Variants in GRIK1 observed in about 807,000 individuals in gnomAD.
The protein encoded by GRIK1 is glutamate receptor ionotropic, kainate 1.
A neutral mutation model predicts 105.7 loss-of-function variants in GRIK1; 69 were observed. The ratio of observed to expected loss-of-function variants is 0.65; its 90% CI spans 0.54 to 0.80. The LOEUF (loss-of-function observed/expected upper bound fraction) is 0.80. Among genes scored for constraint, GRIK1 ranks in the 30% least tolerant of loss-of-function variants. The pLI, the probability that GRIK1 is intolerant of heterozygous loss-of-function variation, is 0.00. For synonymous variants in GRIK1, 438 were observed against 431.3 expected, an observed-to-expected ratio of 1.02 and a Z score of -0.19; for missense variants, 1,109 against 1,167.3, an observed-to-expected ratio of 0.95 and a Z score of 0.73.
intron 15 of GRIK1, among the ~76,000 whole-genome samples, chr21:29,556,603 T>G (rs1213088986): frequency 2.0e-5 from 3 of 152,176 alleles, no homozygotes; most frequent in Non-Finnish European, 4.4e-5. Context: ...CCCACCTCCC[T>G]TACAGTTCAG....
At chr21:29,872,771 G>C (rs1054865614) in intron 1 of GRIK1, among the ~76,000 whole-genome samples, 7 of 152,132 alleles carry the variant, frequency 4.6e-5, no homozygotes, top group Non-Finnish European at 1.0e-4. Context: ...GATCTCATGA[G>C]ACTTACTCAT....
intron 3 of GRIK1, among the ~76,000 whole-genome samples, chr21:29,677,938 C>T (rs363545): frequency 0.032 from 4,804 of 152,314 alleles, 107 homozygotes; most frequent in Non-Finnish European, 0.049. Flanking sequence ...CTACCTTACA[C>T]CGCAGTCCAA....
chr21:29,617,874 G>T (rs1201856365), intron 7 of GRIK1, among the ~76,000 whole-genome samples: 1 of 152,190 alleles, frequency 6.6e-6, no homozygotes, highest in African/African-American at 2.4e-5. Context: ...ATTTGATTTA[G>T]AATATGTTTA....
At chr21:29,631,049 C>G (rs1023797198) in intron 7 of GRIK1, among the ~76,000 whole-genome samples, 13 of 152,190 alleles carry the variant, frequency 8.5e-5, no homozygotes, top group Non-Finnish European at 1.9e-4. Context: ...CTCAAGTGAT[C>G]TGACCACCTC....
At chr21:29,581,379 C>A in intron 13 of GRIK1, 46 bp downstream of exon 13, 1 of 1,080,648 alleles carries the variant, frequency 9.3e-7, no homozygotes, top group South Asian at 1.3e-5. Context: ...GAAAGCCTGT[C>A]AGCACACTGT....
Position 29,939,474 on chromosome 21 carries a change from C to T in GRIK1, c.27G>A (p.Gln9=), listed in dbSNP as rs772575613. 5 of 1,598,006 alleles carry T rather than the reference C, an allele frequency of 3.1e-6. No homozygotes were observed. In the East Asian group the frequency reaches 1.2e-4, roughly 37 times the overall value. ...TGGTGTCCCTGGTCCAGAGCCCGGG[C>T]TGGGCGAGGAGTGTGCCGTGCTCCA... MEHGTLLA[Q]PGLWTRDTSW... is the part of the protein sequence containing the mutation. Residue 9 remains glutamine, a synonymous_variant, in exon 1 of 18, where the codon CAG becomes CAA. Coordinates refer to ENST00000327783, the MANE Select transcript of GRIK1 (RefSeq NM_001330994.2).
At chr21:29,840,245 A>G (rs1328573442) in intron 1 of GRIK1, among the ~76,000 whole-genome samples, 3 of 152,224 alleles carry the variant, frequency 2.0e-5, no homozygotes, top group Admixed American at 1.3e-4. Flanking sequence ...AGATTGGAAT[A>G]TATGCCTCAC....
intron 1 of GRIK1, among the ~76,000 whole-genome samples, chr21:29,745,418 T>A (rs1274622891): frequency 6.6e-6 from 1 of 152,234 alleles, no homozygotes; most frequent in Non-Finnish European, 1.5e-5. Context: ...AACTGTGAGA[T>A]AATAAATTTG....
Position 29,595,681 on chromosome 21 carries a change from A to G in GRIK1, c.1251+845T>C, listed in dbSNP as rs191852205. ...CAATTTAAGGTCCATTCATCAGTCC[A>G]TAGATTTTTTTTACCAAGTAGTTTT... On this transcript the variant is annotated intron_variant, in intron 9 of 17. Coordinates refer to ENST00000327783, the MANE Select transcript of GRIK1 (RefSeq NM_001330994.2). Among the ~76,000 whole-genome samples the G allele has an allele frequency of 3.3e-5, 5 of 152,210 alleles. No homozygotes were observed. In the East Asian group the frequency reaches 9.6e-4, roughly 29 times the overall value.
At chr21:29,645,810 G>A (rs1474009118) in intron 6 of GRIK1, among the ~76,000 whole-genome samples, 2 of 152,126 alleles carry the variant, frequency 1.3e-5, no homozygotes, top group African/African-American at 4.8e-5. Context: ...CACATTTTAT[G>A]TATATCTAAA....
chr21:29,862,545 G>A (rs886917865), intron 1 of GRIK1, among the ~76,000 whole-genome samples: 2 of 152,048 alleles, frequency 1.3e-5, no homozygotes, highest in Admixed American at 1.3e-4. Flanking sequence ...CTACAGATCC[G>A]CTCCAGCTCC....
rs1445628072 is a variant in GRIK1 at position 29,587,478 on chromosome 21, T to C, written c.1681A>G (p.Asn561Asp). The C allele has an allele frequency of 5.0e-6, 8 of 1,613,124 alleles. No individual in the cohort carries two copies. The highest frequency in any genetic ancestry group is 1.3e-5 in the African/African-American group (1 of 74,892). ...LGISILYRKP[N>D]GTNPGVFSFL... ...GAGAAAACGCCTGGATTGGTACCAT[T>C]GGGCTTCCGGTAGAGAATGCTGATG... Residue 561 changes from asparagine to aspartate, a missense_variant, in exon 12 of 18, where the codon AAT (asparagine) becomes GAT (aspartate). By Grantham distance (23) the Asn-to-Asp change is conservative. This residue lies in a region of GRIK1 where 264 missense variants were observed against 306.9 expected (regional missense o/e 0.86). Transcript: ENST00000327783.
rs2061417214 is a variant in GRIK1 at position 29,596,540 on chromosome 21, T to C, written c.1237A>G (p.Lys413Glu). 6.2e-7 allele frequency: 1 copy of C among 1,608,228 alleles called. No individual in the cohort carries two copies. Among genetic ancestry groups the C allele is most frequent in the Non-Finnish European group, 8.5e-7 (1 of 1,174,638 alleles). The change falls in exon 9 of 18, where the codon AAA becomes GAA. Residue 413 changes from lysine (K) to glutamate (E), a missense_variant. Lys to Glu is a moderately conservative substitution (Grantham distance 56). This residue lies in a region of GRIK1 where 612 missense variants were observed against 586.0 expected (regional missense o/e 1.04). Coordinates refer to ENST00000327783, the MANE Select transcript of GRIK1 (RefSeq NM_001330994.2). ...AAGEVSKHLY[K>E]VWKKIGIWNS... Reference sequence around the variant, plus strand: ...AGAGTACAAACCTTCTTCCACACTTTATACAAGTGTTTAGACACTTCGCCA... The same window carrying C: ...AGAGTACAAACCTTCTTCCACACTTCATACAAGTGTTTAGACACTTCGCCA...
At position 29,939,482 on chromosome 21, in the gene GRIK1, G is replaced by C; in HGVS notation, c.19C>G (p.Leu7Val). 1 of 1,590,662 alleles carries C rather than the reference G, an allele frequency of 6.3e-7. No individual in the cohort carries two copies. The highest frequency in any genetic ancestry group is 8.6e-7 in the Non-Finnish European group (1 of 1,168,136). The change falls in exon 1 of 18, where the codon CTC (leucine) becomes GTC (valine). Residue 7 changes from leucine to valine, a missense_variant. By Grantham distance (32) the Leu-to-Val change is conservative. Around this residue, in one of 5 missense-constraint regions of GRIK1, gnomAD observed 612 missense variants for 586.0 expected, o/e 1.04. Coordinates refer to ENST00000327783, the MANE Select transcript of GRIK1 (RefSeq NM_001330994.2). MEHGTLLAQPGLWTRDT... is the reference protein window; with the variant it reads MEHGTLVAQPGLWTRDT... Reference sequence around the variant, plus strand: ...CTGGTCCAGAGCCCGGGCTGGGCGAGGAGTGTGCCGTGCTCCATCTTCCTA... The same window carrying C: ...CTGGTCCAGAGCCCGGGCTGGGCGACGAGTGTGCCGTGCTCCATCTTCCTA...
At chr21:29,867,816 G>A (rs1569173973) in intron 1 of GRIK1, among the ~76,000 whole-genome samples, 2 of 135,750 alleles carry the variant, frequency 1.5e-5, no homozygotes, top group Non-Finnish European at 3.1e-5. Flanking sequence ...AAGAAAGAAA[G>A]AATGAAAGAA....
At chr21:29,659,360 T>C (rs897235155) in intron 4 of GRIK1, among the ~76,000 whole-genome samples, 1 of 152,184 alleles carries the variant, frequency 6.6e-6, no homozygotes, top group Non-Finnish European at 1.5e-5. Context: ...TTTCCCCCCC[T>C]ACCTCTAATG....
chr21:29,713,946 C>T (rs953506834), intron 1 of GRIK1, among the ~76,000 whole-genome samples: 3 of 151,970 alleles, frequency 2.0e-5, no homozygotes, highest in African/African-American at 7.3e-5. Flanking sequence ...ACTGTCTTGT[C>T]TTTATAGTCT....
intron 2 of GRIK1, among the ~76,000 whole-genome samples, chr21:29,691,255 G>A (rs533909090): frequency 8.5e-5 from 13 of 152,312 alleles, no homozygotes; most frequent in Middle Eastern, 3.4e-3. Context: ...AGATTGCAGT[G>A]AACTGAGATA....
chr21:29,688,226 C>T (rs1480498061), intron 3 of GRIK1, among the ~76,000 whole-genome samples: 1 of 152,116 alleles, frequency 6.6e-6, no homozygotes, highest in African/African-American at 2.4e-5. Context: ...TTAGAATCTT[C>T]AATTCTTTCT....
Sources: gnomAD v4.1 joint callset for allele counts (sites outside exome capture counted in the v4.1 genomes callset) on GRCh38, gnomAD v4.1.1 for gene constraint, gnomAD v4.1.1 regional missense constraint, MANE v1.5 for transcripts, NCBI Gene and HGNC (gene_info 2026-07-23, HGNC 2026-07-21) for gene names.